The following SUGCT variants were observed in gnomAD, a reference collection of about 807,000 sequenced individuals.
SUGCT encodes succinyl-CoA:glutarate-CoA transferase.
Under a neutral mutation model 55.0 loss-of-function variants are expected in SUGCT, and 41 were observed. The ratio of observed to expected loss-of-function variants is 0.74; its 90% CI spans 0.58 to 0.97. The LOEUF is 0.97. SUGCT is among the 50% of genes least tolerant of loss of function. The pLI is 0.00. For synonymous variants in SUGCT, 187 were observed against 200.4 expected (o/e 0.93, Z 0.56); for missense variants, 568 against 547.8 (o/e 1.04, Z -0.37).
intron 9 of SUGCT, among the ~76,000 whole-genome samples, chr7:40,358,981 G>T (rs1026942514): frequency 1.3e-5 from 2 of 152,160 alleles, no homozygotes; most frequent in Admixed American, 1.3e-4. Context: ...GTTAGCCAAA[G>T]ATACATTTTA....
intron 12 of SUGCT, among the ~76,000 whole-genome samples, chr7:40,642,586 C>T (rs1800319308): frequency 6.6e-6 from 1 of 152,096 alleles, no homozygotes; most frequent in African/African-American, 2.4e-5. Flanking sequence ...GAGGCAGAAT[C>T]AGGGATGAAC....
At chr7:40,180,123 A>G (rs1785112931) in intron 1 of SUGCT, among the ~76,000 whole-genome samples, 1 of 151,176 alleles carries the variant, frequency 6.6e-6, no homozygotes, top group African/African-American at 2.5e-5. Context: ...TGTGATTGTG[A>G]TAGTAATTTT....
chr7:40,864,754 C>T (rs923454099), downstream of SUGCT, among the ~76,000 whole-genome samples: 2 of 151,908 alleles, frequency 1.3e-5, no homozygotes, highest in African/African-American at 2.4e-5. Flanking sequence ...CCAGGAGCTG[C>T]AGATCCAAGG....
downstream of SUGCT, among the ~76,000 whole-genome samples, chr7:40,865,253 A>C (rs1191508348): frequency 2.0e-5 from 3 of 152,040 alleles, no homozygotes; most frequent in Non-Finnish European, 4.4e-5. Context: ...ACAACTGTGG[A>C]TACCAAAACC....
chr7:40,739,665 TA>T, intron 12 of SUGCT, among the ~76,000 whole-genome samples: 1 of 152,212 alleles, frequency 6.6e-6, no homozygotes, highest in East Asian at 1.9e-4. Flanking sequence ...AAAAAGGCTG[TA>T]TTACTTCCTC....
chr7:40,166,910 T>C (rs1318403770), intron 1 of SUGCT, among the ~76,000 whole-genome samples: 1 of 151,600 alleles, frequency 6.6e-6, no homozygotes, highest in Non-Finnish European at 1.5e-5. Flanking sequence ...AAAAGAACAA[T>C]TCCTATCTTT....
chr7:40,747,999 A>G (rs1025605328), intron 12 of SUGCT, among the ~76,000 whole-genome samples: 5 of 152,222 alleles, frequency 3.3e-5, no homozygotes, highest in African/African-American at 1.2e-4. Context: ...GCTTCATTTC[A>G]GTACTCAAGT....
At chr7:40,880,247 A>G in the SUGCT span, among the ~76,000 whole-genome samples, 15 of 152,222 alleles carry the variant, frequency 9.9e-5, no homozygotes, top group Admixed American at 9.8e-4. Context: ...TTTCCTGGAA[A>G]CCAGAGGAAA....
chr7:40,232,482 A>G (rs3897941), intron 6 of SUGCT, among the ~76,000 whole-genome samples: 41,237 of 152,000 alleles, frequency 0.27, 5,891 homozygotes, highest in East Asian at 0.48. Flanking sequence ...CAGTTTGTCA[A>G]AGGGACCTGT....
At chr7:40,346,263 CTG>C (rs1297142929) in intron 9 of SUGCT, among the ~76,000 whole-genome samples, 3 of 152,086 alleles carry the variant, frequency 2.0e-5, no homozygotes, top group Admixed American at 6.5e-5. Flanking sequence ...ATTTTATTGA[CTG>C]TGTTTTTCTA....
chr7:40,794,680 CT>C (rs1790464106), intron 13 of SUGCT, among the ~76,000 whole-genome samples: 2 of 152,176 alleles, frequency 1.3e-5, no homozygotes, highest in Admixed American at 1.3e-4. Flanking sequence ...GTACTGGATC[CT>C]CCCCACTCTC....
the SUGCT span, chr7:40,966,403 T>G: frequency 6.6e-6 from 1 of 152,252 alleles, no homozygotes; most frequent in Non-Finnish European, 1.5e-5. Flanking sequence ...TTCTGGTAAT[T>G]GACTGTCCTC....
At chr7:40,575,609 C>T (rs1042188647) in intron 12 of SUGCT, among the ~76,000 whole-genome samples, 4 of 150,794 alleles carry the variant, frequency 2.7e-5, no homozygotes, top group Admixed American at 1.3e-4. Context: ...AAAAAAAAAG[C>T]TAAAAATGTC....
intron 8 of SUGCT, among the ~76,000 whole-genome samples, chr7:40,308,656 A>G (rs1794965300): frequency 1.3e-5 from 2 of 151,894 alleles, no homozygotes; most frequent in South Asian, 4.2e-4. Flanking sequence ...TCTGTTCTTC[A>G]CTGTATGTAA....
At chr7:40,245,434 T>A (rs71537712) in intron 7 of SUGCT, among the ~76,000 whole-genome samples, 3,126 of 53,182 alleles carry the variant, frequency 0.059, 445 homozygotes, top group East Asian at 0.089. Flanking sequence ...TTTTTTTTTT[T>A]TTTTTTTTTT....
the SUGCT span, among the ~76,000 whole-genome samples, chr7:40,906,115 G>T: frequency 6.6e-6 from 1 of 150,686 alleles, no homozygotes; most frequent in Non-Finnish European, 1.5e-5. Context: ...TTCCAGAGCT[G>T]TTTTTTGTTT....
At chr7:40,825,041 A>G (rs1312769157) in intron 13 of SUGCT, among the ~76,000 whole-genome samples, 7 of 152,168 alleles carry the variant, frequency 4.6e-5, no homozygotes, top group Non-Finnish European at 7.3e-5. Context: ...TTGCAATGCC[A>G]CCATCTTCAC....
the SUGCT span, among the ~76,000 whole-genome samples, chr7:40,934,943 G>A: frequency 1.3e-5 from 2 of 152,268 alleles, no homozygotes; most frequent in African/African-American, 2.4e-5. Flanking sequence ...TGTCCAACCA[G>A]TCCCAGTGAG....
At chr7:40,535,659 T>C (rs1794323218) in intron 12 of SUGCT, among the ~76,000 whole-genome samples, 1 of 152,166 alleles carries the variant, frequency 6.6e-6, no homozygotes, top group South Asian at 2.1e-4. Context: ...GGTACATATA[T>C]ACTATGGAAT....
Sources: allele counts gnomAD v4.1 joint callset (sites outside exome capture counted in the v4.1 genomes callset), GRCh38; gene constraint gnomAD v4.1.1; transcripts MANE v1.5; gene names NCBI Gene and HGNC (gene_info 2026-07-23, HGNC 2026-07-21).